TRPM3: variants seen among roughly 807,000 people sequenced by gnomAD.
The protein encoded by TRPM3 is long transient receptor potential channel 3.
In TRPM3, 77 loss-of-function variants were observed where a neutral mutation model predicts 181.2. The observed-to-expected ratio is 0.42, with a 90% CI of 0.35 to 0.51. The LOEUF is 0.51. TRPM3 is among the 20% of genes least tolerant of loss of function. The pLI is 0.01. For missense variants in TRPM3, 1,759 were observed against 2,196.7 expected, an observed-to-expected ratio of 0.80 and a Z score of 3.98; for synonymous variants, 745 against 796.4, an observed-to-expected ratio of 0.94 and a Z score of 1.09.
intron 1 of TRPM3, among the ~76,000 whole-genome samples, chr9:71,254,480 T>A (rs984233559): frequency 6.6e-6 from 1 of 152,182 alleles, no homozygotes; most frequent in Non-Finnish European, 1.5e-5. Flanking sequence ...CTGAGAGATT[T>A]TAAGTGCTTT....
At chr9:70,995,935 C>T (rs2097537684) in intron 1 of TRPM3, among the ~76,000 whole-genome samples, 1 of 152,120 alleles carries the variant, frequency 6.6e-6, no homozygotes, top group Non-Finnish European at 1.5e-5. Flanking sequence ...CTCTATAATT[C>T]CCTGGAGCCT....
intron 1 of TRPM3, among the ~76,000 whole-genome samples, chr9:71,140,851 A>C (rs2075058768): frequency 6.6e-6 from 1 of 152,172 alleles, no homozygotes; most frequent in African/African-American, 2.4e-5. Flanking sequence ...AAACATAAGC[A>C]AGGTACGATG....
chr9:70,645,110 T>C (rs1387694660), intron 9 of TRPM3, among the ~76,000 whole-genome samples: 1 of 152,148 alleles, frequency 6.6e-6, no homozygotes, highest in Non-Finnish European at 1.5e-5. Context: ...GAAGAATCAA[T>C]ATTGTGAAAA....
intron 1 of TRPM3, among the ~76,000 whole-genome samples, chr9:71,359,429 T>C (rs1415453797): frequency 6.6e-6 from 1 of 152,214 alleles, no homozygotes; most frequent in Non-Finnish European, 1.5e-5. Context: ...AATGTGCCTA[T>C]GTAAATGCCT....
In TRPM3 at chr9:71,344,336, A is replaced by G. The variant is rs140657983; in HGVS notation, c.183+102317T>C. On this transcript the variant is annotated intron_variant, in intron 1 of 24. Transcript: ENST00000357533. ...TATCGTAGCGCATGCCTGTAATCCC[A>G]GCTACTCGGGAGGCTGAGGCAGGAG... 4.3e-3 allele frequency among the ~76,000 whole-genome samples: 661 copies of G among 152,168 alleles called. 8 individuals are homozygous for G. The highest frequency in any genetic ancestry group is 0.015 in the African/African-American group (635 of 41,504).
chr9:70,755,336 C>A (rs2076871097), intron 8 of TRPM3, among the ~76,000 whole-genome samples: 2 of 151,210 alleles, frequency 1.3e-5, no homozygotes, highest in Admixed American at 1.3e-4. Context: ...AGAAACCCTA[C>A]AAGTCAGAAG....
chr9:70,960,370 G>A (rs1478020548), intron 1 of TRPM3, among the ~76,000 whole-genome samples: 1 of 151,982 alleles, frequency 6.6e-6, no homozygotes, highest in Non-Finnish European at 1.5e-5. Flanking sequence ...TCCCATCCAT[G>A]GAAAAAGGTC....
chr9:71,420,727 G>GAGAGAGAGAA lies in TRPM3; in HGVS notation c.183+25916_183+25925dup, dbSNP rs1314559068. The stretch of plus-strand genomic sequence containing the variant: ...AGAGAGAAAGAAAGAGAGAAAGAGA[G>GAGAGAGAGAA]AGAGAGAGAAAGAGAGAGAAAGAGA... On this transcript the variant is annotated intron_variant, in intron 1 of 24. Transcript: ENST00000357533. Among the ~76,000 whole-genome samples, 339 of 45,230 alleles carry GAGAGAGAGAA rather than the reference G, an allele frequency of 7.5e-3. 13 individuals carry two copies. The highest frequency in any genetic ancestry group is 0.015 in the East Asian group (25 of 1,712). The allele number at this position is 45,230 out of a possible 152,430, so 29.7% of individuals were successfully genotyped here. A position where few individuals can be genotyped will look rare whatever the true frequency, so the allele number is the denominator to read the frequency against.
At chr9:71,435,294 C>T (rs1310160765) in intron 1 of TRPM3, among the ~76,000 whole-genome samples, 1 of 152,122 alleles carries the variant, frequency 6.6e-6, no homozygotes, top group Non-Finnish European at 1.5e-5. Flanking sequence ...ATGTTATATG[C>T]CAAATTCTAG....
intron 1 of TRPM3, among the ~76,000 whole-genome samples, chr9:70,886,595 A>C (rs1331860462): frequency 6.6e-6 from 1 of 152,160 alleles, no homozygotes; most frequent in Non-Finnish European, 1.5e-5. Flanking sequence ...CTGAGGAAGA[A>C]ATATTACTGG....
At chr9:70,620,464 A>G (rs1231887296) in intron 15 of TRPM3, 99 bp from the exon 16 acceptor site, 11 of 1,342,868 alleles carry the variant, frequency 8.2e-6, no homozygotes, top group Non-Finnish European at 1.1e-5. Flanking sequence ...CTCTGGGATC[A>G]ATACTGAAAT....
At chr9:70,891,382 A>ATTTT (rs899235083) in intron 1 of TRPM3, among the ~76,000 whole-genome samples, 2 of 152,188 alleles carry the variant, frequency 1.3e-5, no homozygotes, top group African/African-American at 4.8e-5. Flanking sequence ...AATATCAAAC[A>ATTTT]TGCAAAATGA....
chr9:71,230,321 AGTAG>A (rs1409174020), intron 1 of TRPM3, among the ~76,000 whole-genome samples: 115 of 152,184 alleles, frequency 7.6e-4, no homozygotes, highest in African/African-American at 2.7e-3. Context: ...GTCTGGGAAA[AGTAG>A]TGGGGGGAAT....
intron 1 of TRPM3, among the ~76,000 whole-genome samples, chr9:71,058,780 A>G (rs1022886486): frequency 6.6e-6 from 1 of 151,962 alleles, no homozygotes; most frequent in Non-Finnish European, 1.5e-5. Context: ...CCTAACTTGG[A>G]CTATAATAAA....
chr9:71,059,011 A>ATTTTTTTTTTTTTTTTTTT lies in TRPM3; in HGVS notation c.177+62148_177+62166dup, dbSNP rs1162577364. Among the ~76,000 whole-genome samples, 15 of 52,640 alleles carry ATTTTTTTTTTTTTTTTTTT rather than the reference A, an allele frequency of 2.8e-4. 1 individual carries two copies. Among genetic ancestry groups the ATTTTTTTTTTTTTTTTTTT allele is most frequent in the African/African-American group, 7.7e-4 (10 of 12,982 alleles). The allele number at this position is 52,640 out of a possible 152,430, so 34.5% of individuals were successfully genotyped here. A position where few individuals can be genotyped will look rare whatever the true frequency, so the allele number is the denominator to read the frequency against. ...ATTTCTCTGAAGTTTTTGTTTGTTC[A>ATTTTTTTTTTTTTTTTTTT]TTTTTTTTTTTTTTTTTTTTTTTTT... On this transcript the variant is annotated intron_variant, in intron 1 of 25. Coordinates refer to ENST00000677713, the MANE Select transcript of TRPM3 (RefSeq NM_001366145.2).
chr9:70,959,417 T>G (rs1250952042), intron 1 of TRPM3, among the ~76,000 whole-genome samples: 1 of 151,872 alleles, frequency 6.6e-6, no homozygotes, highest in Non-Finnish European at 1.5e-5. Flanking sequence ...GCAAGATGTT[T>G]TTGAATGAAA....
intron 1 of TRPM3, among the ~76,000 whole-genome samples, chr9:71,415,365 A>G (rs1466499904): frequency 6.6e-6 from 1 of 152,088 alleles, no homozygotes; most frequent in Non-Finnish European, 1.5e-5. Flanking sequence ...CATGAAAACA[A>G]TACTGTCATG....
intron 1 of TRPM3, among the ~76,000 whole-genome samples, chr9:71,309,186 A>G (rs1051724443): frequency 6.6e-5 from 10 of 152,172 alleles, no homozygotes; most frequent in Admixed American, 5.2e-4. Context: ...AAGACTCACA[A>G]CAACCAATCT....
At chr9:71,015,577 A>C (rs981043195) in intron 1 of TRPM3, among the ~76,000 whole-genome samples, 14 of 152,196 alleles carry the variant, frequency 9.2e-5, no homozygotes, top group Non-Finnish European at 1.6e-4. Context: ...AAGTGGTTGT[A>C]AACTGCTATA....
Sources: allele counts gnomAD v4.1 joint callset (sites outside exome capture counted in the v4.1 genomes callset), GRCh38; gene constraint gnomAD v4.1.1; transcripts MANE v1.5; gene names NCBI Gene and HGNC (gene_info 2026-07-23, HGNC 2026-07-21).